Variants in THAP12 observed in about 807,000 individuals in gnomAD.
THAP12 encodes the protein 52 kDa repressor of the inhibitor of the protein kinase.
A neutral mutation model predicts 63.0 loss-of-function variants in THAP12; 20 were observed. That is an observed-to-expected ratio of 0.32 (90% CI 0.22 to 0.46). The LOEUF (loss-of-function observed/expected upper bound fraction) is 0.46, where lower values mean the gene tolerates loss of function less well. Among genes scored for constraint, THAP12 ranks in the 20% least tolerant of loss-of-function variants. The pLI, the probability that THAP12 is intolerant of heterozygous loss-of-function variation, is 1.00. For missense variants in THAP12, 568 were observed against 908.2 expected, an observed-to-expected ratio of 0.63 and a Z score of 4.81; for synonymous variants, 264 against 328.4, an observed-to-expected ratio of 0.80 and a Z score of 2.12.
At chr11:76,366,108 T>C in intron 1 of THAP12, 136 bp from the exon 2 acceptor site, 4 of 1,049,432 alleles carry the variant, frequency 3.8e-6, no homozygotes, top group Non-Finnish European at 5.5e-6. Context: ...GAGAATTTGA[T>C]TAATAACAAA....
Position 76,350,876 on chromosome 11 carries a change from C to T in THAP12, c.2274G>A (p.Val758=), listed in dbSNP as rs764304960. The T allele has an allele frequency of 1.3e-6, 2 of 1,526,532 alleles. No homozygotes were observed. The allele number at this position is 1,526,532 out of a possible 1,614,324, so 94.6% of individuals were successfully genotyped here. The change falls in exon 5 of 5, where the codon GTG becomes GTA. Residue 758 remains valine, a synonymous_variant. Transcript: ENST00000260045. ...TTTTAAAAGTCTCTTAGGTATTTTCCACAGTTTCGGAATTATCTGTAGGAA... is the reference window on the plus strand; with the variant it reads ...TTTTAAAAGTCTCTTAGGTATTTTCTACAGTTTCGGAATTATCTGTAGGAA... ...SELPTDNSET[V]ENT
chr11:76,360,610 T>C (rs1321521470), intron 3 of THAP12, among the ~76,000 whole-genome samples: 1 of 152,230 alleles, frequency 6.6e-6, no homozygotes, highest in Non-Finnish European at 1.5e-5. Flanking sequence ...TTTATTCCTT[T>C]GTGCTGAACT....
At chr11:76,373,672 T>A (rs1043841628) in intron 1 of THAP12, among the ~76,000 whole-genome samples, 8 of 151,042 alleles carry the variant, frequency 5.3e-5, no homozygotes, top group Non-Finnish European at 2.9e-5. Flanking sequence ...CAGTGAGCCA[T>A]GCTCCTGCCA....
In THAP12 at chr11:76,350,881, T is replaced by C; in HGVS notation, c.2269A>G (p.Thr757Ala). The change falls in exon 5 of 5, where the codon ACT becomes GCT. Residue 757 changes from threonine to alanine, a missense_variant. Thr to Ala is a moderately conservative substitution (Grantham distance 58). Coordinates refer to ENST00000260045, the MANE Select transcript of THAP12 (RefSeq NM_004705.4). ...KSELPTDNSE[T>A]VENT The stretch of plus-strand genomic sequence containing the variant: ...AAAGTCTCTTAGGTATTTTCCACAG[T>C]TTCGGAATTATCTGTAGGAAGCTCT... The C allele has an allele frequency of 6.5e-7, 1 of 1,535,442 alleles. No homozygotes were observed. The highest frequency in any genetic ancestry group is 8.7e-7 in the Non-Finnish European group (1 of 1,145,666).
intron 2 of THAP12, among the ~76,000 whole-genome samples, chr11:76,361,899 T>G (rs992090946): frequency 2.0e-5 from 3 of 152,236 alleles, no homozygotes; most frequent in Admixed American, 6.5e-5. Context: ...AAACCAACTC[T>G]CACGCCACAA....
chr11:76,380,689 G>A, intron 1 of THAP12, 59 bp downstream of exon 1: 3 of 1,258,906 alleles, frequency 2.4e-6, no homozygotes, highest in African/African-American at 3.2e-5. Context: ...GGGGCCGGCG[G>A]CTGGCAGCGC....
At chr11:76,368,425 AGAGC>A (rs1156928736) in intron 1 of THAP12, 1 of 152,234 alleles carries the variant, frequency 6.6e-6, no homozygotes, top group Non-Finnish European at 1.5e-5. Flanking sequence ...TTTGTGAGAG[AGAGC>A]AAGAGAAAGA....
intron 1 of THAP12, among the ~76,000 whole-genome samples, chr11:76,366,315 C>T (rs1436361890): frequency 6.6e-6 from 1 of 152,212 alleles, no homozygotes; most frequent in African/African-American, 2.4e-5. Flanking sequence ...TGCACAGCCA[C>T]AAGGCTCACA....
chr11:76,365,824 A>T (rs1472500466), intron 2 of THAP12, 28 bp downstream of exon 2: 1 of 1,603,284 alleles, frequency 6.2e-7, no homozygotes, highest in Admixed American at 1.7e-5. Context: ...AGTCAAACAG[A>T]GAGACACCAA....
chr11:76,352,655 G>C lies in THAP12; in HGVS notation c.495C>G (p.Tyr165Ter). The C allele has an allele frequency of 6.2e-7, 1 of 1,612,148 alleles. No individual in the cohort carries two copies. Among genetic ancestry groups the C allele is most frequent in the Non-Finnish European group, 8.5e-7 (1 of 1,179,862 alleles). Residue 165 changes from tyrosine (Y) to a stop codon, truncating the protein, a stop_gained, in exon 5 of 5, where the codon TAC (tyrosine) becomes TAG (stop). Transcript: ENST00000260045. LOFTEE classifies it high-confidence loss of function. ...TCAAGATTTCAAATAGAGATTTTAG[G>C]TATTCTTTGTTTTCCTTCTCTTCAA... is the stretch of plus-strand genomic sequence containing the variant. ...LTLEEKENKEYLKSLFEILIL... is the reference protein window; with the variant it reads ...LTLEEKENKE
At chr11:76,359,473 T>C (rs1337384354) in intron 3 of THAP12, 1 of 152,152 alleles carries the variant, frequency 6.6e-6, no homozygotes. Flanking sequence ...AAGATGTCAA[T>C]TCAAAGCAAT....
chr11:76,352,592 A>G lies in THAP12; in HGVS notation c.558T>C (p.His186=). 6.2e-7 allele frequency: 1 copy of G among 1,611,990 alleles called. No homozygotes were observed. The highest frequency in any genetic ancestry group is 8.5e-7 in the Non-Finnish European group (1 of 1,179,836). The stretch of plus-strand genomic sequence containing the variant: ...GACCTTCTGGGATTTCATCAGCCTC[A>G]TGTCCATCCAGAGGTATGTTTTGCT... The part of the protein sequence containing the change: ...MGKQNIPLDG[H]EADEIPEGLF... Residue 186 remains histidine (H), a synonymous_variant, in exon 5 of 5, where the codon CAT becomes CAC. Coordinates refer to ENST00000260045, the MANE Select transcript of THAP12 (RefSeq NM_004705.4).
chr11:76,380,509 G>T (rs1371631876), intron 1 of THAP12, among the ~76,000 whole-genome samples: 1 of 152,090 alleles, frequency 6.6e-6, no homozygotes, highest in Non-Finnish European at 1.5e-5. Flanking sequence ...TCGCGTTTGG[G>T]GTGGTGTCCT....
chr11:76,365,764 A>G (rs1946626955), intron 2 of THAP12, 88 bp downstream of exon 2: 2 of 1,450,868 alleles, frequency 1.4e-6, no homozygotes, highest in South Asian at 1.3e-5. Flanking sequence ...ACCTTCCAAC[A>G]TTGGTAAATA....
intron 1 of THAP12, among the ~76,000 whole-genome samples, chr11:76,366,749 C>T (rs979145486): frequency 2.0e-5 from 3 of 151,766 alleles, no homozygotes; most frequent in African/African-American, 7.3e-5. Context: ...AGCATAAAGG[C>T]TGTATTCGTT....
chr11:76,354,750 T>A (rs1373901450), intron 4 of THAP12, among the ~76,000 whole-genome samples: 1 of 152,158 alleles, frequency 6.6e-6, no homozygotes, highest in Non-Finnish European at 1.5e-5. Context: ...CCCTCAGTGG[T>A]TCCCTATTGC....
intron 2 of THAP12, among the ~76,000 whole-genome samples, chr11:76,365,492 T>C (rs929820083): frequency 6.6e-6 from 1 of 151,978 alleles, no homozygotes; most frequent in Non-Finnish European, 1.5e-5. Context: ...TCAAGTATCC[T>C]CCCATCTCAG....
At chr11:76,355,417 G>A (rs1240428413) in intron 4 of THAP12, among the ~76,000 whole-genome samples, 1 of 152,152 alleles carries the variant, frequency 6.6e-6, no homozygotes, top group East Asian at 1.9e-4. Flanking sequence ...CATAGTGTGT[G>A]GCATTGCAGC....
intron 2 of THAP12, 84 bp from the exon 3 acceptor site, chr11:76,361,147 C>T (rs1946595565): frequency 2.4e-6 from 2 of 833,180 alleles, no homozygotes; most frequent in East Asian, 2.6e-5. Context: ...ATGACCTCCA[C>T]AATATTCCTT....
Sources: gnomAD v4.1 joint callset for allele counts (sites outside exome capture counted in the v4.1 genomes callset) on GRCh38, gnomAD v4.1.1 for gene constraint, MANE v1.5 for transcripts, NCBI Gene and HGNC (gene_info 2026-07-23, HGNC 2026-07-21) for gene names.